Variants in SEC24D observed in about 807,000 individuals in gnomAD.
SEC24D encodes the protein SEC24 homolog D, COPII component, also known as protein transport protein Sec24D.
A neutral mutation model predicts 116.9 loss-of-function variants in SEC24D; 69 were observed. The observed-to-expected ratio is 0.59, with a 90% CI of 0.49 to 0.72. The LOEUF (loss-of-function observed/expected upper bound fraction) is 0.72, where lower values mean the gene tolerates loss of function less well. SEC24D is among the 30% of genes least tolerant of loss of function. The pLI is 0.00. For missense variants in SEC24D, 1,131 were observed against 1,264.1 expected (o/e 0.89, Z 1.60); for synonymous variants, 405 against 442.8 (o/e 0.91, Z 1.07).
chr4:118,759,204 C>T (rs1456982835), intron 10 of SEC24D, among the ~76,000 whole-genome samples: 2 of 152,168 alleles, frequency 1.3e-5, no homozygotes, highest in East Asian at 1.9e-4. Flanking sequence ...AAATCACATT[C>T]TCTTCCCATT....
At chr4:118,728,474 C>T (rs1332974982) in intron 22 of SEC24D, 87 bp downstream of exon 22, 19 of 738,728 alleles carry the variant, frequency 2.6e-5, no homozygotes, top group Admixed American at 9.0e-5. Context: ...TCAAAGATCA[C>T]GTCATAAAAA....
intron 2 of SEC24D, among the ~76,000 whole-genome samples, chr4:118,826,531 A>G (rs1168460639): frequency 1.3e-5 from 2 of 152,230 alleles, no homozygotes; most frequent in African/African-American, 4.8e-5. Flanking sequence ...GGACAAAAGT[A>G]GGCAATTCAC....
At chr4:118,724,890 G>A (rs1033964961) in intron 22 of SEC24D, among the ~76,000 whole-genome samples, 4 of 152,160 alleles carry the variant, frequency 2.6e-5, no homozygotes, top group Non-Finnish European at 5.9e-5. Context: ...TTCCTCTCAG[G>A]AGGTAAACCC....
chr4:118,744,589 A>G (rs989040001), intron 14 of SEC24D, among the ~76,000 whole-genome samples: 2 of 152,106 alleles, frequency 1.3e-5, no homozygotes, highest in African/African-American at 4.8e-5. Flanking sequence ...AGAACCCCAC[A>G]CCTGTGCTTC....
At chr4:118,740,859 TTTTC>T (rs764374942) in intron 16 of SEC24D, 51 bp from the exon 17 acceptor site, 2 of 1,606,168 alleles carry the variant, frequency 1.2e-6, no homozygotes, top group Non-Finnish European at 1.7e-6. Context: ...TCTACTGTTA[TTTTC>T]TTTGTTGGCC....
chr4:118,752,108 C>T lies in SEC24D; in HGVS notation c.1614-19G>A. ...CAACAAACTATAAGACATGAGTAAG[C>T]AAAAGGTTTGAAATGTTTAGCATAT... On this transcript the variant is annotated intron_variant, in intron 12 of 22. Coordinates refer to ENST00000280551, the MANE Select transcript of SEC24D (RefSeq NM_014822.4). The T allele has an allele frequency of 6.7e-7, 1 of 1,487,660 alleles. No individual in the cohort carries two copies. Among genetic ancestry groups the T allele is most frequent in the Non-Finnish European group, 9.3e-7 (1 of 1,070,428 alleles). 92.2% of individuals were successfully genotyped at this position (1,487,660 alleles called of 1,614,324 possible).
chr4:118,814,242 GT>G (rs1198743360), intron 6 of SEC24D, among the ~76,000 whole-genome samples: 1 of 152,194 alleles, frequency 6.6e-6, no homozygotes, highest in Non-Finnish European at 1.5e-5. Flanking sequence ...CACATGAGTG[GT>G]TATGACACAT....
intron 8 of SEC24D, among the ~76,000 whole-genome samples, chr4:118,795,701 T>C (rs1197999955): frequency 6.6e-6 from 1 of 152,140 alleles, no homozygotes; most frequent in African/African-American, 2.4e-5. Flanking sequence ...AGTCCTAGAA[T>C]AGGCTAAACA....
At position 118,728,587 on chromosome 4, in the gene SEC24D, G is replaced by A. The variant is rs771748313; in HGVS notation, c.2932C>T (p.Gln978Ter). 1.2e-6 allele frequency: 2 copies of A among 1,607,234 alleles called. No homozygotes were observed. The highest frequency in any genetic ancestry group is 1.7e-6 in the Non-Finnish European group (2 of 1,175,456). The change falls in exon 22 of 23, where the codon CAA becomes TAA. Residue 978 changes from glutamine (Q) to a stop codon, truncating the protein, a stop_gained. Coordinates refer to ENST00000280551, the MANE Select transcript of SEC24D (RefSeq NM_014822.4). LOFTEE classifies it high-confidence loss of function. ...QQLRMIMGIIQQKRPYSMKLT... is the reference protein window; with the variant it reads ...QQLRMIMGII Reference sequence around the variant, plus strand: ...TTCATTGAATATGGCCTCTTTTGTTGGATAATACCCATTATCATTCTGAGT... The same window carrying A: ...TTCATTGAATATGGCCTCTTTTGTTAGATAATACCCATTATCATTCTGAGT...
At chr4:118,758,167 C>T (rs1000957026) in intron 10 of SEC24D, among the ~76,000 whole-genome samples, 2 of 152,114 alleles carry the variant, frequency 1.3e-5, no homozygotes, top group Non-Finnish European at 2.9e-5. Flanking sequence ...AGAATCATGG[C>T]CAGACTTGCT....
chr4:118,831,570 C>G (rs1049724741), intron 2 of SEC24D, among the ~76,000 whole-genome samples: 1 of 151,958 alleles, frequency 6.6e-6, no homozygotes, highest in Non-Finnish European at 1.5e-5. Context: ...TATGGCCCAA[C>G]ACAAATTTGA....
At chr4:118,819,252 C>T (rs943914881) in intron 3 of SEC24D, among the ~76,000 whole-genome samples, 4 of 152,076 alleles carry the variant, frequency 2.6e-5, no homozygotes, top group African/African-American at 7.2e-5. Flanking sequence ...ACTTTGTCTG[C>T]GGGGCGTGGT....
At chr4:118,784,525 A>T (rs545248374) in intron 8 of SEC24D, among the ~76,000 whole-genome samples, 1 of 152,312 alleles carries the variant, frequency 6.6e-6, no homozygotes, top group South Asian at 2.1e-4. Flanking sequence ...TTTACAGTTT[A>T]GGATAAAGGA....
chr4:118,817,451 G>A (rs201419716), intron 3 of SEC24D, 39 bp from the exon 4 acceptor site: 45 of 1,568,602 alleles, frequency 2.9e-5, no homozygotes, highest in Admixed American at 1.1e-4. Context: ...ATATCACAGC[G>A]TCTCAAGCAA....
At chr4:118,768,820 T>C (rs1727765674) in intron 8 of SEC24D, among the ~76,000 whole-genome samples, 1 of 152,240 alleles carries the variant, frequency 6.6e-6, no homozygotes, top group African/African-American at 2.4e-5. Flanking sequence ...AAAGTTAATT[T>C]ATCTCACTTA....
At chr4:118,815,269 A>G (rs1440827332) in intron 5 of SEC24D, 114 bp from the exon 6 acceptor site, 6 of 1,425,198 alleles carry the variant, frequency 4.2e-6, no homozygotes, top group Admixed American at 2.2e-5. Flanking sequence ...TCTTATTAAA[A>G]AAAGCAAGGA....
chr4:118,775,968 C>G (rs955309915), intron 8 of SEC24D, among the ~76,000 whole-genome samples: 2 of 152,116 alleles, frequency 1.3e-5, no homozygotes, highest in Admixed American at 1.3e-4. Flanking sequence ...TAAAAAACTT[C>G]ACTCCTTAAC....
In SEC24D at chr4:118,765,054, C is replaced by T. The variant is rs528582561; in HGVS notation, c.1181-137G>A. 38 of 564,662 alleles carry T rather than the reference C, an allele frequency of 6.7e-5. 1 individual carries two copies. Among genetic ancestry groups the T allele is most frequent in the South Asian group, 5.6e-4 (24 of 42,548 alleles). 35.0% of individuals were successfully genotyped at this position (564,662 alleles called of 1,614,324 possible). ...ATTTTAAAGCTGGAATGTAGTATAC[C>T]GTAAATACCTACTATTTTAAAAACA... On this transcript the variant is annotated intron_variant, in intron 9 of 22. Transcript: ENST00000280551.
At chr4:118,819,530 C>CAAAAA (rs373794417) in intron 3 of SEC24D, among the ~76,000 whole-genome samples, 6 of 60,906 alleles carry the variant, frequency 9.9e-5, no homozygotes, top group Admixed American at 6.9e-4. Flanking sequence ...GACCCCGTCT[C>CAAAAA]AAAAAAAAAA....
Sources: gnomAD v4.1 joint callset for allele counts (sites outside exome capture counted in the v4.1 genomes callset) on GRCh38, gnomAD v4.1.1 for gene constraint, MANE v1.5 for transcripts, NCBI Gene and HGNC (gene_info 2026-07-23, HGNC 2026-07-21) for gene names.